AKAP13: variants seen among roughly 807,000 people sequenced by gnomAD.
The protein encoded by AKAP13 is A-kinase anchor protein 13.
A neutral mutation model predicts 264.5 loss-of-function variants in AKAP13; 80 were observed. The ratio of observed to expected loss-of-function variants is 0.30; its 90% CI spans 0.25 to 0.36. The LOEUF (loss-of-function observed/expected upper bound fraction) is 0.36. AKAP13 is among the 10% of genes least tolerant of loss of function. The probability of loss-of-function intolerance (pLI) is 1.00; values close to 1 mark genes in which losing one functional copy is unlikely to be tolerated. For missense variants in AKAP13, 3,712 were observed against 3,435.2 expected, an observed-to-expected ratio of 1.08 and a Z score of -2.01; for synonymous variants, 1,380 against 1,250.2, an observed-to-expected ratio of 1.10 and a Z score of -2.19.
intron 11 of AKAP13, among the ~76,000 whole-genome samples, chr15:85,656,548 T>G (rs2083103635): frequency 6.6e-6 from 1 of 152,018 alleles, no homozygotes; most frequent in South Asian, 2.1e-4. Context: ...CCGGGTTCAC[T>G]CCATTCTCCT....
intron 17 of AKAP13, among the ~76,000 whole-genome samples, chr15:85,704,656 A>T (rs1011706352): frequency 2.0e-4 from 30 of 152,192 alleles, no homozygotes; most frequent in African/African-American, 6.8e-4. Context: ...GAAGAATTTT[A>T]AAAAATGAAA....
intron 13 of AKAP13, among the ~76,000 whole-genome samples, chr15:85,665,944 G>A (rs2083571528): frequency 6.6e-6 from 1 of 152,188 alleles, no homozygotes; most frequent in African/African-American, 2.4e-5. Flanking sequence ...ATTTGGGTTG[G>A]TTCCAAGTCT....
At position 85,458,409 on chromosome 15, in the gene AKAP13, A is replaced by G. The variant is rs1445788482; in HGVS notation, c.-11-27301A>G. Among the ~76,000 whole-genome samples the G allele has an allele frequency of 1.7e-4, 8 of 47,236 alleles. No homozygotes were observed. In the East Asian group the frequency reaches 3.7e-3, roughly 22 times the overall value. 31.0% of individuals were successfully genotyped at this position (47,236 alleles called of 152,430 possible). On this transcript the variant is annotated intron_variant, in intron 1 of 36. Coordinates refer to ENST00000394518, the MANE Select transcript of AKAP13 (RefSeq NM_007200.5). ...TTGTTTTTTGTTTTTTTTTTTTTTT[A>G]CTATATATGTATGGAGTGCAACACA...
chr15:85,669,034 G>C (rs769191713), intron 13 of AKAP13, among the ~76,000 whole-genome samples: 3 of 150,888 alleles, frequency 2.0e-5, no homozygotes, highest in African/African-American at 4.9e-5. Flanking sequence ...TCAGGAGTTC[G>C]AGACCTGCCT....
intron 8 of AKAP13, among the ~76,000 whole-genome samples, chr15:85,634,817 A>G (rs2082004864): frequency 6.7e-6 from 1 of 148,894 alleles, no homozygotes; most frequent in African/African-American, 2.5e-5. Flanking sequence ...AGAACCATAC[A>G]ATACATAGTC....
chr15:85,605,045 C>G (rs1483997078), intron 8 of AKAP13, among the ~76,000 whole-genome samples: 1 of 152,128 alleles, frequency 6.6e-6, no homozygotes, highest in Non-Finnish European at 1.5e-5. Context: ...ATGGGTGCCC[C>G]TGGTAATAAT....
chr15:85,524,494 T>A (rs949480736), intron 3 of AKAP13, among the ~76,000 whole-genome samples: 2 of 117,858 alleles, frequency 1.7e-5, no homozygotes, highest in Admixed American at 1.6e-4. Context: ...TTTATTATTA[T>A]TTTTTTATTT....
intron 5 of AKAP13, among the ~76,000 whole-genome samples, chr15:85,562,783 C>T (rs1596537913): frequency 6.9e-6 from 1 of 145,448 alleles, no homozygotes; most frequent in South Asian, 2.2e-4. Flanking sequence ...CCAACCTCTG[C>T]CTCCTGGGTT....
At chr15:85,654,101 A>T (rs1319378315) in intron 10 of AKAP13, among the ~76,000 whole-genome samples, 1 of 152,276 alleles carries the variant, frequency 6.6e-6, no homozygotes, top group African/African-American at 2.4e-5. Context: ...GTTAGCCAGG[A>T]AAGAGCATCA....
Position 85,581,255 on chromosome 15 carries a change from TCTC to T in AKAP13, c.3191_3193del (p.Pro1064del). The T allele has an allele frequency of 5.0e-6, 8 of 1,614,106 alleles. No homozygotes were observed. Among genetic ancestry groups the T allele is most frequent in the Non-Finnish European group, 6.8e-6 (8 of 1,180,000 alleles). On this transcript the variant is annotated inframe_deletion, in exon 7 of 37. Coordinates refer to ENST00000394518, the MANE Select transcript of AKAP13 (RefSeq NM_007200.5). ...CGATGCTCTTAACTGCAGTCAGCCT[TCTC>T]CTCTGGATGTTGGAGTGAAGAACAC...
chr15:85,496,345 T>G (rs1219740789), intron 2 of AKAP13, among the ~76,000 whole-genome samples: 1 of 152,172 alleles, frequency 6.6e-6, no homozygotes, highest in African/African-American at 2.4e-5. Flanking sequence ...TCAGCCTCCG[T>G]GAAGACTTGG....
intron 1 of AKAP13, among the ~76,000 whole-genome samples, chr15:85,459,665 A>C (rs1479753927): frequency 1.3e-5 from 2 of 151,598 alleles, no homozygotes; most frequent in Non-Finnish European, 2.9e-5. Context: ...ACGCCCAGCT[A>C]ATTTTTTGTA....
chr15:85,613,188 A>C (rs1445277828), intron 8 of AKAP13, among the ~76,000 whole-genome samples: 1 of 152,260 alleles, frequency 6.6e-6, no homozygotes, highest in Non-Finnish European at 1.5e-5. Flanking sequence ...GTTATCAAAC[A>C]GTACACTGCA....
chr15:85,511,433 A>C (rs1170239525), intron 2 of AKAP13, among the ~76,000 whole-genome samples: 1 of 152,164 alleles, frequency 6.6e-6, no homozygotes, highest in Non-Finnish European at 1.5e-5. Flanking sequence ...TACCTGTTGG[A>C]TATAGAATAA....
chr15:85,456,533 A>C (rs971798204), intron 1 of AKAP13, among the ~76,000 whole-genome samples: 1 of 148,578 alleles, frequency 6.7e-6, no homozygotes, highest in Admixed American at 6.8e-5. Context: ...CAGTGTTCCC[A>C]GAGTAGCCCA....
At chr15:85,529,935 C>A (rs1173580212) in intron 3 of AKAP13, among the ~76,000 whole-genome samples, 1 of 152,134 alleles carries the variant, frequency 6.6e-6, no homozygotes, top group African/African-American at 2.4e-5. Flanking sequence ...ATAGTTTCTT[C>A]TTCAGATTTT....
Position 85,543,860 on chromosome 15 carries a change from CCG to C in AKAP13, c.570_571del (p.Gly191SerfsTer45). 1 of 1,614,114 alleles carries C rather than the reference CCG, an allele frequency of 6.2e-7. No homozygotes were observed. On this transcript the variant is annotated frameshift_variant, in exon 5 of 37. Transcript: ENST00000394518. LOFTEE classifies it high-confidence loss of function. ...GGTTCCTGTTGCAGAAGCCAGGTGG[CCG>C]CGGAGCTCTCAGTATCCACAACCAG... ...TWFLLQKPGG[R>X]GALSIHNQEG...
At chr15:85,422,536 A>T (rs2072571437) in intron 1 of AKAP13, among the ~76,000 whole-genome samples, 1 of 152,210 alleles carries the variant, frequency 6.6e-6, no homozygotes. Context: ...ATTTGAACAG[A>T]GGTTTTTTGT....
chr15:85,442,475 T>A (rs1446011133), intron 1 of AKAP13, among the ~76,000 whole-genome samples: 1 of 120,662 alleles, frequency 8.3e-6, no homozygotes, highest in Non-Finnish European at 1.7e-5. Context: ...ATAATATATA[T>A]TATATAATAT....
Sources: allele counts gnomAD v4.1 joint callset (sites outside exome capture counted in the v4.1 genomes callset), GRCh38; gene constraint gnomAD v4.1.1; transcripts MANE v1.5; gene names NCBI Gene and HGNC (gene_info 2026-07-23, HGNC 2026-07-21).